The following SNTB2 variants were observed in gnomAD, a reference collection of about 807,000 sequenced individuals.
SNTB2 encodes syntrophin beta 2, also known as beta-2-syntrophin.
A neutral mutation model predicts 46.2 loss-of-function variants in SNTB2; 34 were observed. The ratio of observed to expected loss-of-function variants is 0.74; its 90% CI spans 0.56 to 0.98. The LOEUF (loss-of-function observed/expected upper bound fraction) is 0.98. Among genes scored for constraint, SNTB2 ranks in the 50% least tolerant of loss-of-function variants. The pLI is 0.00. For synonymous variants in SNTB2, 290 were observed against 312.6 expected (o/e 0.93, Z 0.76); for missense variants, 603 against 731.4 (o/e 0.82, Z 2.02).
At chr16:69,275,130 T>G (rs1270687377) in intron 4 of SNTB2, among the ~76,000 whole-genome samples, 2 of 151,788 alleles carry the variant, frequency 1.3e-5, no homozygotes, top group Non-Finnish European at 2.9e-5. Flanking sequence ...GAGTGTGCAG[T>G]GGCAGGATCA....
rs140582785 is a variant in SNTB2 at position 69,192,055 on chromosome 16, A to G, written c.580+4309A>G. Among the ~76,000 whole-genome samples the G allele has an allele frequency of 3.9e-4, 60 of 152,346 alleles. 1 individual carries two copies. In the East Asian group the frequency reaches 8.9e-3, roughly 22 times the overall value. ...ATAGAAGAGGTGGGAAACTGATGCA[A>G]TTCATTTTTGATCCAGGAAGTGATG... On this transcript the variant is annotated intron_variant, in intron 1 of 6. Transcript: ENST00000336278.
At chr16:69,281,776 G>A (rs1360770500) in intron 4 of SNTB2, among the ~76,000 whole-genome samples, 1 of 151,676 alleles carries the variant, frequency 6.6e-6, no homozygotes, top group Non-Finnish European at 1.5e-5. Context: ...CCAGGAAGCG[G>A]AGGTTGCAGT....
intron 4 of SNTB2, among the ~76,000 whole-genome samples, chr16:69,282,862 A>G (rs1965063467): frequency 6.6e-6 from 1 of 152,204 alleles, no homozygotes; most frequent in African/African-American, 2.4e-5. Flanking sequence ...CATAAATGGT[A>G]TGTTTTTAAT....
intron 3 of SNTB2, among the ~76,000 whole-genome samples, chr16:69,262,708 A>G (rs944645368): frequency 6.7e-6 from 1 of 148,514 alleles, no homozygotes; most frequent in African/African-American, 2.5e-5. Flanking sequence ...ATGAGGTCTC[A>G]CTCTGTCGCC....
chr16:69,261,654 C>T (rs1964835605), intron 3 of SNTB2, among the ~76,000 whole-genome samples: 1 of 152,012 alleles, frequency 6.6e-6, no homozygotes, highest in Admixed American at 6.6e-5. Context: ...TTGTGTTTAT[C>T]ATTGTTTCTA....
chr16:69,261,098 G>A (rs893308908), intron 3 of SNTB2, among the ~76,000 whole-genome samples: 42 of 151,016 alleles, frequency 2.8e-4, no homozygotes, highest in African/African-American at 1.0e-3. Context: ...GTGTTTAAGT[G>A]CTAGCTCTGT....
rs919080095 is a variant in SNTB2, at chr16:69,307,634, T to C, written c.*6710T>C. The C allele has an allele frequency of 4.6e-5, 7 of 152,112 alleles. 1 individual carries two copies. The highest frequency in any genetic ancestry group is 6.5e-5 in the Admixed American group (1 of 15,270). The allele number at this position is 152,112 out of a possible 1,614,324, so 9.4% of individuals were successfully genotyped here. On this transcript the variant is annotated 3_prime_UTR_variant, in exon 7 of 7. Transcript: ENST00000336278. ...GCATTTCATCTGCTGAAAGTCCTTATATACATGGTAGACGGAATATTTCTC... is the reference window on the plus strand; with the variant it reads ...GCATTTCATCTGCTGAAAGTCCTTACATACATGGTAGACGGAATATTTCTC...
At chr16:69,224,265 G>A (rs1395914651) in intron 1 of SNTB2, among the ~76,000 whole-genome samples, 3 of 137,512 alleles carry the variant, frequency 2.2e-5, no homozygotes, top group Non-Finnish European at 3.0e-5. Flanking sequence ...AGGCTGGAGT[G>A]CAGTGGTGCG....
chr16:69,213,851 C>A (rs183958542), intron 1 of SNTB2, among the ~76,000 whole-genome samples: 1 of 115,314 alleles, frequency 8.7e-6, no homozygotes. Flanking sequence ...TTTTGAGACT[C>A]TCACTCTGTT....
intron 5 of SNTB2, among the ~76,000 whole-genome samples, chr16:69,293,156 G>A (rs772235805): frequency 6.6e-6 from 1 of 152,170 alleles, no homozygotes; most frequent in Non-Finnish European, 1.5e-5. Context: ...GAGTGAAAGA[G>A]AGAGGGCCCT....
Position 69,284,069 on chromosome 16 carries a change from A to T in SNTB2, c.1170A>T (p.Gly390=), listed in dbSNP as rs149372825. 6.2e-7 allele frequency: 1 copy of T among 1,612,638 alleles called. No individual in the cohort carries two copies. The highest frequency in any genetic ancestry group is 1.1e-5 in the South Asian group (1 of 90,902). Residue 390 remains glycine (G), a synonymous_variant, in exon 5 of 7, where the codon GGA becomes GGT. Transcript: ENST00000336278. ...CTAGGTTGGTTCATTCTGGCTCCGG[A>T]TGTCGATCCCCCTCCCTTGGATCTG... is the stretch of plus-strand genomic sequence containing the variant. ...VATRLVHSGS[G]CRSPSLGSDL...
chr16:69,207,618 T>C (rs777812091), intron 1 of SNTB2, among the ~76,000 whole-genome samples: 2 of 152,202 alleles, frequency 1.3e-5, no homozygotes, highest in Non-Finnish European at 2.9e-5. Flanking sequence ...TTCAGAAAAG[T>C]GCACAGATCA....
intron 1 of SNTB2, among the ~76,000 whole-genome samples, chr16:69,241,168 CTTTTTTTTTTTTT>C (rs747664809): frequency 5.1e-5 from 3 of 59,286 alleles, no homozygotes; most frequent in Non-Finnish European, 9.2e-5. Context: ...CCTGGATAAG[CTTTTTTTTTTTTT>C]TTTTTTTTTT....
At chr16:69,281,843 T>C (rs1259549734) in intron 4 of SNTB2, among the ~76,000 whole-genome samples, 1 of 148,896 alleles carries the variant, frequency 6.7e-6, no homozygotes, top group East Asian at 2.0e-4. Context: ...GACTCCATCT[T>C]AAGAAAAAAA....
At chr16:69,193,382 G>A (rs1028599376) in intron 1 of SNTB2, among the ~76,000 whole-genome samples, 13 of 133,302 alleles carry the variant, frequency 9.8e-5, no homozygotes, top group Admixed American at 1.7e-4. Flanking sequence ...AGGCTGGAGT[G>A]CAGAGGCACC....
At chr16:69,274,592 G>A (rs374856552) in intron 4 of SNTB2, among the ~76,000 whole-genome samples, 1 of 150,390 alleles carries the variant, frequency 6.6e-6, no homozygotes, top group Non-Finnish European at 1.5e-5. Flanking sequence ...GGCAGAGCTC[G>A]CAGTGAGCCA....
intron 1 of SNTB2, among the ~76,000 whole-genome samples, chr16:69,198,667 A>G (rs1332783996): frequency 1.3e-5 from 2 of 152,064 alleles, no homozygotes; most frequent in African/African-American, 4.8e-5. Context: ...AAATTACCTG[A>G]TTTTTCTTGG....
intron 2 of SNTB2, among the ~76,000 whole-genome samples, chr16:69,255,570 AAAAG>A (rs1172802566): frequency 1.7e-4 from 25 of 145,180 alleles, no homozygotes; most frequent in South Asian, 1.3e-3. Flanking sequence ...AAAAAAAAAA[AAAAG>A]AAAGAAAGAA....
In SNTB2 at chr16:69,305,088, A is replaced by G. The variant is rs565577438; in HGVS notation, c.*4164A>G. Reference sequence around the variant, plus strand: ...GGGCGAAAGTGTGAGAAAAGGTTATAATAGATTCTTTTTTTTAATTTTGTG... The same window carrying G: ...GGGCGAAAGTGTGAGAAAAGGTTATGATAGATTCTTTTTTTTAATTTTGTG... On this transcript the variant is annotated 3_prime_UTR_variant, in exon 7 of 7. Coordinates refer to ENST00000336278, the MANE Select transcript of SNTB2 (RefSeq NM_006750.4). 9.2e-5 allele frequency: 14 copies of G among 152,378 alleles called. No homozygotes were observed. In the South Asian group the frequency reaches 2.7e-3, roughly 29 times the overall value. 9.4% of individuals were successfully genotyped at this position (152,378 alleles called of 1,614,324 possible). A position where few individuals can be genotyped will look rare whatever the true frequency, so the allele number is the denominator to read the frequency against.
Sources: allele counts gnomAD v4.1 joint callset (sites outside exome capture counted in the v4.1 genomes callset), GRCh38; gene constraint gnomAD v4.1.1; transcripts MANE v1.5; gene names NCBI Gene and HGNC (gene_info 2026-07-23, HGNC 2026-07-21).